TAFA1: variants seen among roughly 807,000 people sequenced by gnomAD.
TAFA1 encodes chemokine-like protein TAFA-1.
Under a neutral mutation model 18.5 loss-of-function variants are expected in TAFA1, and 4 were observed. That is an observed-to-expected ratio of 0.22 (90% confidence interval 0.11 to 0.49). The LOEUF is 0.49. Ranked by LOEUF, TAFA1 falls within the 20% of genes least tolerant of loss-of-function variation. The pLI is 0.98. For missense variants in TAFA1, 147 were observed against 169.0 expected (o/e 0.87, Z 0.72); for synonymous variants, 56 against 55.2 (o/e 1.01, Z -0.06).
chr3:68,013,387 T>A (rs917466628), intron 2 of TAFA1, among the ~76,000 whole-genome samples: 1 of 152,158 alleles, frequency 6.6e-6, no homozygotes, highest in Non-Finnish European at 1.5e-5. Context: ...ATGTAGATAT[T>A]TGACTCTATT....
At chr3:68,452,236 A>G (rs767895422) in intron 3 of TAFA1, among the ~76,000 whole-genome samples, 25 of 152,112 alleles carry the variant, frequency 1.6e-4, no homozygotes, top group Non-Finnish European at 3.4e-4. Context: ...TTATTAGAAC[A>G]TGTCGGCTGG....
intron 2 of TAFA1, among the ~76,000 whole-genome samples, chr3:68,215,400 G>GA (rs1246305465): frequency 6.6e-6 from 1 of 152,000 alleles, no homozygotes; most frequent in Admixed American, 6.6e-5. Flanking sequence ...TATAATTTCT[G>GA]AAAAATGGAA....
chr3:68,011,659 G>C (rs1704474003), intron 2 of TAFA1, among the ~76,000 whole-genome samples: 2 of 152,124 alleles, frequency 1.3e-5, no homozygotes, highest in Admixed American at 1.3e-4. Context: ...GTACAACTAT[G>C]GTCGCATATT....
intron 2 of TAFA1, among the ~76,000 whole-genome samples, chr3:68,249,103 A>G (rs981648325): frequency 6.6e-6 from 1 of 152,124 alleles, no homozygotes; most frequent in Non-Finnish European, 1.5e-5. Flanking sequence ...AGCACAACAG[A>G]TCACCCACAC....
intron 3 of TAFA1, among the ~76,000 whole-genome samples, chr3:68,443,895 G>A (rs1451121901): frequency 6.6e-6 from 1 of 152,160 alleles, no homozygotes; most frequent in Non-Finnish European, 1.5e-5. Flanking sequence ...ACACATAGGT[G>A]TTGTGTCAGG....
chr3:68,231,582 G>A (rs971366605), intron 2 of TAFA1, among the ~76,000 whole-genome samples: 3 of 150,012 alleles, frequency 2.0e-5, no homozygotes, highest in African/African-American at 7.4e-5. Flanking sequence ...GGATGGTCTC[G>A]ATCTCCTGAC....
intron 2 of TAFA1, among the ~76,000 whole-genome samples, chr3:68,366,405 T>C (rs1193510215): frequency 6.6e-6 from 1 of 152,206 alleles, no homozygotes; most frequent in Non-Finnish European, 1.5e-5. Flanking sequence ...AGGATTCTTG[T>C]GTAAAGCAGC....
intron 3 of TAFA1, among the ~76,000 whole-genome samples, chr3:68,420,509 C>T (rs920906642): frequency 1.3e-5 from 2 of 152,134 alleles, no homozygotes; most frequent in Admixed American, 1.3e-4. Flanking sequence ...CATGAGCCAC[C>T]ACACCTGGCC....
intron 2 of TAFA1, among the ~76,000 whole-genome samples, chr3:68,266,861 A>T (rs1367825957): frequency 6.6e-6 from 1 of 152,174 alleles, no homozygotes; most frequent in African/African-American, 2.4e-5. Flanking sequence ...TTGGCTTGTT[A>T]TCATAATTTG....
intron 3 of TAFA1, among the ~76,000 whole-genome samples, chr3:68,422,784 C>G (rs1404668873): frequency 6.6e-6 from 1 of 151,978 alleles, no homozygotes; most frequent in African/African-American, 2.4e-5. Flanking sequence ...AGCATTATAT[C>G]CTTGAACCTG....
At chr3:68,436,234 C>T (rs2071266709) in intron 3 of TAFA1, among the ~76,000 whole-genome samples, 1 of 152,120 alleles carries the variant, frequency 6.6e-6, no homozygotes, top group Non-Finnish European at 1.5e-5. Flanking sequence ...GTAATGTAGA[C>T]ATGAAAGGAA....
At chr3:68,017,097 G>A (rs898507653) in intron 2 of TAFA1, among the ~76,000 whole-genome samples, 1 of 152,112 alleles carries the variant, frequency 6.6e-6, no homozygotes, top group East Asian at 1.9e-4. Flanking sequence ...ATGTGGCATA[G>A]CAAAAAGTAT....
intron 2 of TAFA1, among the ~76,000 whole-genome samples, chr3:68,312,405 A>G (rs2068535792): frequency 6.6e-6 from 1 of 152,028 alleles, no homozygotes; most frequent in East Asian, 1.9e-4. Context: ...ATAAATCTGA[A>G]TGCCTTTAAT....
intron 2 of TAFA1, among the ~76,000 whole-genome samples, chr3:68,078,965 A>C (rs1040923229): frequency 1.1e-4 from 16 of 152,174 alleles, no homozygotes; most frequent in African/African-American, 3.9e-4. Flanking sequence ...CTGGTAAGCT[A>C]TTGATTGTTG....
At chr3:68,254,076 T>C (rs1198416559) in intron 2 of TAFA1, among the ~76,000 whole-genome samples, 1 of 152,116 alleles carries the variant, frequency 6.6e-6, no homozygotes, top group Non-Finnish European at 1.5e-5. Flanking sequence ...TGTCTGTCTG[T>C]CTGTCTGCCT....
intron 3 of TAFA1, among the ~76,000 whole-genome samples, chr3:68,524,006 C>T (rs868451603): frequency 2.9e-4 from 44 of 152,178 alleles, no homozygotes; most frequent in African/African-American, 9.4e-4. Context: ...TTTCTGACTA[C>T]TTTCCCATTG....
chr3:68,223,789 G>T (rs765865564), intron 2 of TAFA1, among the ~76,000 whole-genome samples: 3 of 152,156 alleles, frequency 2.0e-5, no homozygotes, highest in South Asian at 4.2e-4. Flanking sequence ...GTAATTTATG[G>T]CACACCTGAA....
chr3:68,370,478 A>ATGTATATATATATATATATG (rs2069677621), intron 2 of TAFA1, among the ~76,000 whole-genome samples: 1 of 22,044 alleles, frequency 4.5e-5, no homozygotes, highest in South Asian at 2.3e-3. Flanking sequence ...GTGTGTATAT[A>ATGTATATATATATATATATG]TATATATATA....
chr3:68,391,643 C>G (rs1385390300), intron 2 of TAFA1, among the ~76,000 whole-genome samples: 1 of 152,162 alleles, frequency 6.6e-6, no homozygotes, highest in Non-Finnish European at 1.5e-5. Context: ...GGAAGCCCAC[C>G]AGACTAACAG....
Sources: allele counts gnomAD v4.1 joint callset (sites outside exome capture counted in the v4.1 genomes callset), GRCh38; gene constraint gnomAD v4.1.1; transcripts MANE v1.5; gene names NCBI Gene and HGNC (gene_info 2026-07-23, HGNC 2026-07-21).